EIF2AK4: variants seen among roughly 807,000 people sequenced by gnomAD.
EIF2AK4 encodes eIF-2-alpha kinase GCN2.
Under a neutral mutation model 211.1 loss-of-function variants are expected in EIF2AK4, and 139 were observed. The observed-to-expected ratio is 0.66, with a 90% CI of 0.57 to 0.76. The LOEUF (loss-of-function observed/expected upper bound fraction) is 0.76, where lower values mean the gene tolerates loss of function less well. Ranked by LOEUF, EIF2AK4 falls within the 30% of genes least tolerant of loss-of-function variation. The probability of loss-of-function intolerance (pLI) is 0.00; values close to 1 mark genes in which losing one functional copy is unlikely to be tolerated. For synonymous variants in EIF2AK4, 710 were observed against 751.3 expected, an observed-to-expected ratio of 0.94 and a Z score of 0.90; for missense variants, 1,664 against 2,043.8, an observed-to-expected ratio of 0.81 and a Z score of 3.58.
intron 12 of EIF2AK4, chr15:39,977,642 A>G (rs7173301): frequency 0.77 from 116,864 of 152,752 alleles, 46,271 homozygotes; most frequent in Non-Finnish European, 0.87. Flanking sequence ...CTCATAGGAC[A>G]TTCCTTTGGA....
chr15:40,017,017 T>C, intron 28 of EIF2AK4, 91 bp from the exon 29 acceptor site: 9 of 1,495,948 alleles, frequency 6.0e-6, no homozygotes, highest in Non-Finnish European at 8.3e-6. Context: ...ATTGTTCTGA[T>C]GCTATTGATG....
intron 37 of EIF2AK4, among the ~76,000 whole-genome samples, chr15:40,033,579 T>C (rs1370870006): frequency 6.6e-6 from 1 of 152,204 alleles, no homozygotes; most frequent in Admixed American, 6.5e-5. Context: ...CAAATTAAAT[T>C]AGATTAATAG....
chr15:39,943,528 C>A lies in EIF2AK4; in HGVS notation c.360+43C>A, dbSNP rs2034178805. ...GGAATTAAAAGAAGACAGTAAACTT[C>A]CCCATTACACCTCAAATCCAATTTT... On this transcript the variant is annotated intron_variant, in intron 3 of 38. Transcript: ENST00000263791. 2.0e-6 allele frequency: 3 copies of A among 1,464,254 alleles called. No homozygotes were observed. In the East Asian group the frequency reaches 7.0e-5, roughly 34 times the overall value. 90.7% of individuals were successfully genotyped at this position (1,464,254 alleles called of 1,614,324 possible). A position where few individuals can be genotyped will look rare whatever the true frequency, so the allele number is the denominator to read the frequency against.
intron 29 of EIF2AK4, among the ~76,000 whole-genome samples, chr15:40,018,686 A>G (rs912011112): frequency 5.3e-5 from 8 of 152,220 alleles, no homozygotes; most frequent in African/African-American, 1.7e-4. Context: ...TTTATAATAT[A>G]TCTTATTTAA....
intron 12 of EIF2AK4, 166 bp from the exon 13 acceptor site, chr15:39,977,912 C>T (rs2034723729): frequency 2.5e-6 from 1 of 399,426 alleles, no homozygotes; most frequent in Non-Finnish European, 4.4e-6. Context: ...CTGTGTTTTG[C>T]ATAATAGCAA....
intron 25 of EIF2AK4, among the ~76,000 whole-genome samples, chr15:40,009,109 G>A (rs1377167971): frequency 6.9e-6 from 1 of 144,440 alleles, no homozygotes. Context: ...GTTTTGTTTT[G>A]GAGACAGTGT....
Position 40,022,561 on chromosome 15 carries a change from ACCTATGTGGC to A in EIF2AK4, c.4349_4358del (p.Tyr1450LeufsTer38). 1 of 1,614,122 alleles carries A rather than the reference ACCTATGTGGC, an allele frequency of 6.2e-7. No homozygotes were observed. On this transcript the variant is annotated frameshift_variant, in exon 32 of 39. Transcript: ENST00000263791. LOFTEE classifies it high-confidence loss of function. ...AGAGTACTGCAGACATCATGAAATC[ACCTATGTGGC>A]CCTTGTCTCGGATAAAGAAGGAAGC...
intron 29 of EIF2AK4, among the ~76,000 whole-genome samples, chr15:40,017,547 A>ATGTGTG (rs1361348564): frequency 5.4e-5 from 3 of 55,162 alleles, no homozygotes; most frequent in Admixed American, 1.8e-4. Flanking sequence ...ATATATATAT[A>ATGTGTG]TATATATGTA....
rs766786736 is a variant in EIF2AK4 at position 40,034,415 on chromosome 15, T to C, written c.4863T>C (p.Asp1621=). 1 of 1,614,108 alleles carries C rather than the reference T, an allele frequency of 6.2e-7. No homozygotes were observed. Among genetic ancestry groups the C allele is most frequent in the Non-Finnish European group, 8.5e-7 (1 of 1,179,968 alleles). ...PKQRYLKLVC[D]EIYNIKVEKK... ...AAAGATACCTCAAATTAGTCTGTGA[T>C]GAAATTTATAACATCAAAGTAGAAA... is the stretch of plus-strand genomic sequence containing the variant. The change falls in exon 38 of 39, where the codon GAT becomes GAC. Residue 1621 remains aspartate (D), a synonymous_variant. Coordinates refer to ENST00000263791, the MANE Select transcript of EIF2AK4 (RefSeq NM_001013703.4).
intron 18 of EIF2AK4, among the ~76,000 whole-genome samples, chr15:39,995,524 T>C (rs2035007283): frequency 6.6e-6 from 1 of 152,196 alleles, no homozygotes; most frequent in African/African-American, 2.4e-5. Context: ...ATCTTCTCCT[T>C]CGTGGCACCC....
intron 3 of EIF2AK4, chr15:39,946,798 C>T (rs1595542666): frequency 1.7e-6 from 1 of 603,120 alleles, no homozygotes; most frequent in African/African-American, 1.8e-5. Flanking sequence ...CAGCCATCAT[C>T]AAGACAAAAC....
chr15:39,992,063 T>C (rs2034951269), intron 16 of EIF2AK4, 112 bp from the exon 17 acceptor site: 1 of 996,732 alleles, frequency 1.0e-6, no homozygotes. Context: ...CGTTATTATA[T>C]TATTTTGATT....
chr15:40,000,956 C>G (rs550767740), intron 20 of EIF2AK4, 32 bp from the exon 21 acceptor site: 1 of 1,603,940 alleles, frequency 6.2e-7, no homozygotes. Context: ...TCCATTGCAT[C>G]CCATTAGCAG....
intron 11 of EIF2AK4, 68 bp downstream of exon 11, chr15:39,973,817 T>C (rs1381078810): frequency 1.9e-6 from 3 of 1,561,834 alleles, no homozygotes; most frequent in African/African-American, 1.4e-5. Flanking sequence ...CAAAGACTCA[T>C]GGACTTTACT....
At chr15:40,003,366 G>A in intron 23 of EIF2AK4, 52 bp downstream of exon 23, 2 of 1,599,374 alleles carry the variant, frequency 1.3e-6, no homozygotes, top group African/African-American at 1.3e-5. Flanking sequence ...CTAGTCACAG[G>A]GATGGCATCT....
At chr15:39,967,210 A>G in intron 8 of EIF2AK4, 134 bp from the exon 9 acceptor site, 1 of 990,886 alleles carries the variant, frequency 1.0e-6, no homozygotes, top group East Asian at 2.6e-5. Flanking sequence ...TTTTCTATCA[A>G]ATACTTCACT....
intron 2 of EIF2AK4, among the ~76,000 whole-genome samples, chr15:39,942,599 T>C (rs949605913): frequency 6.6e-6 from 1 of 152,202 alleles, no homozygotes; most frequent in African/African-American, 2.4e-5. Context: ...AACTCCTATT[T>C]AATCTGAGAG....
At chr15:39,950,027 T>A (rs1207366894) in intron 4 of EIF2AK4, among the ~76,000 whole-genome samples, 1 of 152,038 alleles carries the variant, frequency 6.6e-6, no homozygotes, top group East Asian at 1.9e-4. Flanking sequence ...AAGTTTTAAA[T>A]TTTTTATTTG....
chr15:40,003,201 C>G lies in EIF2AK4; in HGVS notation c.3244C>G (p.Gln1082Glu), dbSNP rs1085307443. The change falls in exon 23 of 39, where the codon CAG becomes GAG. Residue 1082 changes from glutamine to glutamate, a missense_variant. Physicochemically the swap from Gln to Glu is conservative, Grantham distance 29. Transcript: ENST00000263791. ...TTTCTCATTTGGTGTAGGAGCTGTT[C>G]AGTTGTGTACTCCACTACTGCTTCC... Reference protein sequence around the residue: ...IRIFKRHGAVQLCTPLLLPRN... With the variant: ...IRIFKRHGAVELCTPLLLPRN... 1.2e-6 allele frequency: 2 copies of G among 1,614,032 alleles called. No individual in the cohort carries two copies. Among genetic ancestry groups the G allele is most frequent in the Non-Finnish European group, 1.7e-6 (2 of 1,179,972 alleles).
Sources: gnomAD v4.1 joint callset for allele counts (sites outside exome capture counted in the v4.1 genomes callset) on GRCh38, gnomAD v4.1.1 for gene constraint, MANE v1.5 for transcripts, NCBI Gene and HGNC (gene_info 2026-07-23, HGNC 2026-07-21) for gene names.